GNAZ: variants seen among roughly 807,000 people sequenced by gnomAD.
GNAZ encodes guanine nucleotide-binding protein G(z) subunit alpha.
GNAZ carries 3 observed loss-of-function variants against 25.4 expected under a neutral mutation model. The observed-to-expected ratio is 0.12, with a 90% CI of 0.05 to 0.30. The LOEUF (loss-of-function observed/expected upper bound fraction) is 0.30. GNAZ is among the 10% of genes least tolerant of loss of function. GNAZ has a pLI of 1.00. For synonymous variants in GNAZ, 211 were observed against 205.7 expected (o/e 1.03, Z -0.22); for missense variants, 241 against 501.8 (o/e 0.48, Z 4.97).
intron 2 of GNAZ, among the ~76,000 whole-genome samples, chr22:23,120,024 G>A (rs1348077492): frequency 6.6e-6 from 1 of 152,206 alleles, no homozygotes; most frequent in Non-Finnish European, 1.5e-5. Flanking sequence ...GCTGAGGGAA[G>A]GGCCCACACT....
intron 1 of GNAZ, among the ~76,000 whole-genome samples, chr22:23,084,054 A>T (rs1186077582): frequency 6.6e-6 from 1 of 152,142 alleles, no homozygotes; most frequent in Non-Finnish European, 1.5e-5. Context: ...GGGGTGAGCT[A>T]TGCAGGCGAT....
intron 1 of GNAZ, among the ~76,000 whole-genome samples, chr22:23,072,284 C>T (rs2068398814): frequency 6.6e-6 from 1 of 152,102 alleles, no homozygotes; most frequent in South Asian, 2.1e-4. Flanking sequence ...AGCCTGGGAG[C>T]ATCCATCTAC....
intron 2 of GNAZ, among the ~76,000 whole-genome samples, chr22:23,121,164 T>C (rs920389337): frequency 2.0e-5 from 3 of 152,226 alleles, no homozygotes; most frequent in African/African-American, 7.2e-5. Flanking sequence ...TGCTTGTCTC[T>C]GCAGAAAGGC....
intron 1 of GNAZ, among the ~76,000 whole-genome samples, chr22:23,081,969 C>CA (rs1328139433): frequency 6.8e-6 from 1 of 147,810 alleles, no homozygotes; most frequent in Non-Finnish European, 1.5e-5. Context: ...ACTAAAAATA[C>CA]AAAAAATTAG....
rs145187796 is a variant in GNAZ at position 23,105,224 on chromosome 22, T to C, written c.723+8806T>C. Among the ~76,000 whole-genome samples the C allele has an allele frequency of 3.2e-3, 487 of 152,360 alleles. 1 individual carries two copies. The highest frequency in any genetic ancestry group is 0.011 in the African/African-American group (464 of 41,580). ...CCAGGGGAGAAGCACAGCAGCATCC[T>C]GACCAAGGGGGCCCAGAGCCTCGAA... On this transcript the variant is annotated intron_variant, in intron 2 of 2. Coordinates refer to ENST00000615612, the MANE Select transcript of GNAZ (RefSeq NM_002073.4).
At chr22:23,084,694 G>A (rs1044112675) in intron 1 of GNAZ, among the ~76,000 whole-genome samples, 12 of 152,218 alleles carry the variant, frequency 7.9e-5, no homozygotes, top group African/African-American at 2.7e-4. Context: ...GCAGCCTTGA[G>A]AGCTGCAGCC....
At chr22:23,091,314 G>A (rs564223654) in intron 1 of GNAZ, among the ~76,000 whole-genome samples, 1 of 151,954 alleles carries the variant, frequency 6.6e-6, no homozygotes, top group African/African-American at 2.4e-5. Flanking sequence ...ATGCATACAC[G>A]CACACATACC....
At chr22:23,102,085 A>G (rs2069317941) in intron 2 of GNAZ, among the ~76,000 whole-genome samples, 1 of 152,230 alleles carries the variant, frequency 6.6e-6, no homozygotes, top group Non-Finnish European at 1.5e-5. Flanking sequence ...ACACTTGTGA[A>G]CAGCCCCTGC....
intron 2 of GNAZ, 33 bp downstream of exon 2, chr22:23,096,451 T>G: frequency 6.4e-7 from 1 of 1,569,418 alleles, no homozygotes. Flanking sequence ...CTCTGCTTGT[T>G]CCTGCTGTCG....
intron 2 of GNAZ, among the ~76,000 whole-genome samples, chr22:23,113,793 C>T (rs552043309): frequency 1.2e-3 from 180 of 152,364 alleles, no homozygotes; most frequent in African/African-American, 4.2e-3. Context: ...CAGGATGGCC[C>T]AGGCAGGTTG....
chr22:23,074,530 G>T (rs967952987), intron 1 of GNAZ, among the ~76,000 whole-genome samples: 1 of 152,138 alleles, frequency 6.6e-6, no homozygotes, highest in African/African-American at 2.4e-5. Context: ...GTGGCCAGAG[G>T]GAGAGCAAGG....
rs1388913652 is a variant in GNAZ at position 23,070,566 on chromosome 22, C to T, written c.-454C>T. The T allele has an allele frequency of 4.6e-5, 7 of 151,524 alleles. No individual in the cohort carries two copies. The highest frequency in any genetic ancestry group is 1.7e-4 in the African/African-American group (7 of 41,414). 9.4% of individuals were successfully genotyped at this position (151,524 alleles called of 1,614,324 possible). ...TCGGCAGATGCTCTGTGCTGCGGCC[C>T]GGAGGTGAGTGAGCCGACCCGCGGC... On this transcript the variant is annotated 5_prime_UTR_variant, in exon 1 of 3. Transcript: ENST00000615612.
intron 2 of GNAZ, among the ~76,000 whole-genome samples, chr22:23,096,913 G>T (rs1036187538): frequency 6.6e-6 from 1 of 152,258 alleles, no homozygotes; most frequent in Non-Finnish European, 1.5e-5. Flanking sequence ...CATGGGCGCA[G>T]CCCGAGGGAG....
At chr22:23,106,313 C>G (rs762453745) in intron 2 of GNAZ, among the ~76,000 whole-genome samples, 1 of 152,244 alleles carries the variant, frequency 6.6e-6, no homozygotes, top group Non-Finnish European at 1.5e-5. Flanking sequence ...CAGCAGCCAC[C>G]CACCTGCAGG....
Position 23,124,089 on chromosome 22 carries a change from C to T in GNAZ, c.*658C>T, listed in dbSNP as rs189192887. 27 of 217,706 alleles carry T rather than the reference C, an allele frequency of 1.2e-4. No homozygotes were observed. In the East Asian group the frequency reaches 2.6e-3, roughly 21 times the overall value. 13.5% of individuals were successfully genotyped at this position (217,706 alleles called of 1,614,324 possible). A position where few individuals can be genotyped will look rare whatever the true frequency, so the allele number is the denominator to read the frequency against. ...TGCAGCAAAAACCAATACAACAAAACGAGTGGCACGATTTATTTCAAACTA... is the reference window on the plus strand; with the variant it reads ...TGCAGCAAAAACCAATACAACAAAATGAGTGGCACGATTTATTTCAAACTA... On this transcript the variant is annotated 3_prime_UTR_variant, in exon 3 of 3. Transcript: ENST00000615612.
chr22:23,117,660 G>A (rs1015445220), intron 2 of GNAZ, among the ~76,000 whole-genome samples: 1 of 152,258 alleles, frequency 6.6e-6, no homozygotes, highest in Non-Finnish European at 1.5e-5. Context: ...AGGCCCAGCA[G>A]CTTGGGGTTC....
chr22:23,116,342 T>C (rs887108984), intron 2 of GNAZ, among the ~76,000 whole-genome samples: 1 of 152,234 alleles, frequency 6.6e-6, no homozygotes, highest in Admixed American at 6.5e-5. Context: ...CCTGTCCGCC[T>C]GAGGGGCCCA....
chr22:23,092,579 TCA>T (rs1462443576), intron 1 of GNAZ, among the ~76,000 whole-genome samples: 1 of 152,178 alleles, frequency 6.6e-6, no homozygotes, highest in Non-Finnish European at 1.5e-5. Context: ...CTACCTGGCC[TCA>T]GTTTCCCCTT....
chr22:23,108,257 C>A (rs538566139), intron 2 of GNAZ, among the ~76,000 whole-genome samples: 1 of 152,236 alleles, frequency 6.6e-6, no homozygotes, highest in Non-Finnish European at 1.5e-5. Context: ...CAGGGGAGAG[C>A]GGTCCCCAAG....
Sources: allele counts gnomAD v4.1 joint callset (sites outside exome capture counted in the v4.1 genomes callset), GRCh38; gene constraint gnomAD v4.1.1; transcripts MANE v1.5; gene names NCBI Gene and HGNC (gene_info 2026-07-23, HGNC 2026-07-21).